MTTP: variants seen among roughly 807,000 people sequenced by gnomAD.
MTTP encodes the protein microsomal triglyceride transfer protein, also known as microsomal triglyceride transfer protein large subunit.
Under a neutral mutation model 90.6 loss-of-function variants are expected in MTTP, and 49 were observed. The ratio of observed to expected loss-of-function variants is 0.54; its 90% CI spans 0.43 to 0.69. The LOEUF is 0.69. Ranked by LOEUF, MTTP falls within the 30% of genes least tolerant of loss-of-function variation. The pLI is 0.00. For missense variants in MTTP, 945 were observed against 1,067.5 expected (o/e 0.89, Z 1.60); for synonymous variants, 347 against 384.2 (o/e 0.90, Z 1.13).
intron 8 of MTTP, among the ~76,000 whole-genome samples, chr4:99,599,636 T>C (rs1383832984): frequency 6.6e-6 from 1 of 152,164 alleles, no homozygotes; most frequent in African/African-American, 2.4e-5. Flanking sequence ...CCAACAATCC[T>C]GAGGTAAATA....
At chr4:99,600,448 A>T (rs1348380798) in intron 8 of MTTP, 117 bp from the exon 9 acceptor site, 5 of 623,220 alleles carry the variant, frequency 8.0e-6, no homozygotes, top group Middle Eastern at 1.2e-3. Flanking sequence ...TGTTCAAATT[A>T]AAAAAAAAAT....
intron 1 of MTTP, among the ~76,000 whole-genome samples, chr4:99,581,149 G>T (rs1167077802): frequency 6.6e-6 from 1 of 152,142 alleles, no homozygotes; most frequent in Non-Finnish European, 1.5e-5. Flanking sequence ...GGAAAGACTT[G>T]CTCCTTGGCA....
At chr4:99,578,214 A>G (rs1028584882) in intron 1 of MTTP, among the ~76,000 whole-genome samples, 1 of 152,200 alleles carries the variant, frequency 6.6e-6, no homozygotes, top group Non-Finnish European at 1.5e-5. Context: ...CTTTTAAGTC[A>G]CTTAAAAATT....
rs1225587139 is a variant in MTTP at position 99,575,087 on chromosome 4, T to C, written c.61+117T>C. 2.5e-6 allele frequency: 3 copies of C among 1,188,188 alleles called. No individual in the cohort carries two copies. The African/African-American group carries it at 4.6e-5, about 18-fold the overall frequency. 73.6% of individuals were successfully genotyped at this position (1,188,188 alleles called of 1,614,324 possible). Reference sequence around the variant, plus strand: ...AGTGAAAGAGTTTCTGACTAAACTATCTTCAAAACCATGTAACTTTGGAAT... The same window carrying C: ...AGTGAAAGAGTTTCTGACTAAACTACCTTCAAAACCATGTAACTTTGGAAT... On this transcript the variant is annotated intron_variant, in intron 1 of 17. Transcript: ENST00000265517.
At chr4:99,583,757 AAGTATT>A in intron 3 of MTTP, 1 of 595,060 alleles carries the variant, frequency 1.7e-6, no homozygotes, top group Non-Finnish European at 3.0e-6. Context: ...TAGTGGAATG[AAGTATT>A]TATTTATTGA....
chr4:99,570,831 C>T (rs1724825464), upstream of MTTP: 2 of 454,114 alleles, frequency 4.4e-6, no homozygotes, highest in African/African-American at 2.0e-5. Flanking sequence ...GACCACGAGT[C>T]AAGGAATGCA....
chr4:99,574,922 G>C lies in MTTP; in HGVS notation c.13G>C (p.Ala5Pro), dbSNP rs1560611630. 6.2e-7 allele frequency: 1 copy of C among 1,614,162 alleles called. No homozygotes were observed. Among genetic ancestry groups the C allele is most frequent in the Non-Finnish European group, 8.5e-7 (1 of 1,180,018 alleles). The change falls in exon 1 of 18, where the codon GCT becomes CCT. Residue 5 changes from alanine (A) to proline (P), a missense_variant. Transcript: ENST00000265517. The stretch of plus-strand genomic sequence containing the variant: ...ATTGCTGGTCAATATGATTCTTCTT[G>C]CTGTGCTTTTTCTCTGCTTCATTTC... MILLAVLFLCFISSY... is the reference protein window; with the variant it reads MILLPVLFLCFISSY...
At chr4:99,606,093 C>G (rs1253908531) in intron 10 of MTTP, among the ~76,000 whole-genome samples, 3 of 152,024 alleles carry the variant, frequency 2.0e-5, no homozygotes, top group Admixed American at 2.0e-4. Context: ...CCCAGATGTC[C>G]CTATTTCTAA....
chr4:99,564,308 A>G (rs970514277), intron 1 of MTTP: 1 of 1,432,220 alleles, frequency 7.0e-7, no homozygotes, highest in Non-Finnish European at 9.4e-7. Context: ...AAGGCTCCTA[A>G]TTTTTCTGTG....
At chr4:99,604,894 CTAAA>C (rs1725776985) in intron 10 of MTTP, among the ~76,000 whole-genome samples, 1 of 152,114 alleles carries the variant, frequency 6.6e-6, no homozygotes, top group East Asian at 1.9e-4. Context: ...CAGAAACAAA[CTAAA>C]TAAAGTTCAA....
intron 10 of MTTP, among the ~76,000 whole-genome samples, chr4:99,603,734 C>A (rs1725750680): frequency 6.6e-6 from 1 of 152,046 alleles, no homozygotes; most frequent in Admixed American, 6.6e-5. Context: ...CTTTGGGTCA[C>A]CAGGCTCAGT....
intron 1 of MTTP, among the ~76,000 whole-genome samples, chr4:99,564,702 G>A (rs542075522): frequency 7.6e-4 from 116 of 152,000 alleles, no homozygotes; most frequent in Non-Finnish European, 1.4e-3. Flanking sequence ...ACTTCTAATA[G>A]GTGATTATTG....
At chr4:99,616,669 C>G (rs1240780321) in intron 15 of MTTP, among the ~76,000 whole-genome samples, 2 of 151,940 alleles carry the variant, frequency 1.3e-5, no homozygotes, top group Non-Finnish European at 2.9e-5. Context: ...GGAAAGAGTG[C>G]TTTGTTTTTC....
At chr4:99,593,428 G>A (rs112812594) in intron 6 of MTTP, among the ~76,000 whole-genome samples, 12,370 of 152,060 alleles carry the variant, frequency 0.081, 554 homozygotes, top group Middle Eastern at 0.097. Flanking sequence ...AAAAAGTTCC[G>A]TAGTGAAGAG....
At chr4:99,572,818 T>C (rs1354144231), upstream of MTTP, among the ~76,000 whole-genome samples, 1 of 152,124 alleles carries the variant, frequency 6.6e-6, no homozygotes, top group African/African-American at 2.4e-5. Context: ...CATTCTTATG[T>C]CATCTGTAAT....
At chr4:99,593,213 A>G (rs943194453) in intron 6 of MTTP, among the ~76,000 whole-genome samples, 1 of 152,186 alleles carries the variant, frequency 6.6e-6, no homozygotes, top group Non-Finnish European at 1.5e-5. Flanking sequence ...TTCACGGCAC[A>G]TGGTAAATAA....
chr4:99,574,738 C>T, upstream of MTTP: 1 of 1,448,138 alleles, frequency 6.9e-7, no homozygotes, highest in Non-Finnish European at 9.5e-7. Flanking sequence ...GTGAGCCCTT[C>T]AGTGAACTTA....
intron 3 of MTTP, 71 bp downstream of exon 3, chr4:99,583,588 T>C (rs1430316038): frequency 6.4e-7 from 1 of 1,555,424 alleles, no homozygotes; most frequent in Non-Finnish European, 8.9e-7. Flanking sequence ...TAGATATTAT[T>C]TTGAGGTAAT....
chr4:99,601,435 C>T lies in MTTP; in HGVS notation c.1237-172C>T, dbSNP rs34777713. Among the ~76,000 whole-genome samples the T allele has an allele frequency of 0.074, 10,606 of 143,564 alleles. 603 individuals are homozygous for T. The highest frequency in any genetic ancestry group is 0.16 in the African/African-American group (6,320 of 40,540). The allele number at this position is 143,564 out of a possible 152,430, so 94.2% of individuals were successfully genotyped here. On this transcript the variant is annotated intron_variant, in intron 9 of 17. Coordinates refer to ENST00000265517, the MANE Select transcript of MTTP (RefSeq NM_001386140.1). ...ATCCCTGAAAAGGGGATTAACTCTT[C>T]AATTCAAAGCTAGATAGCAAATGTG... is the stretch of plus-strand genomic sequence containing the variant.
Sources: allele counts gnomAD v4.1 joint callset (sites outside exome capture counted in the v4.1 genomes callset), GRCh38; gene constraint gnomAD v4.1.1; transcripts MANE v1.5; gene names NCBI Gene and HGNC (gene_info 2026-07-23, HGNC 2026-07-21).